The following GRAMD4 variants were observed in gnomAD, a reference collection of about 807,000 sequenced individuals.
GRAMD4 encodes GRAM domain-containing protein 4.
Under a neutral mutation model 83.9 loss-of-function variants are expected in GRAMD4, and 25 were observed. The observed-to-expected ratio is 0.30, with a 90% CI of 0.22 to 0.42. The LOEUF is 0.42. Ranked by LOEUF, GRAMD4 falls within the 10% of genes least tolerant of loss-of-function variation. GRAMD4 has a pLI of 1.00. For missense variants in GRAMD4, 593 were observed against 788.7 expected, an observed-to-expected ratio of 0.75 and a Z score of 2.97; for synonymous variants, 336 against 320.9, an observed-to-expected ratio of 1.05 and a Z score of -0.50.
intron 1 of GRAMD4, among the ~76,000 whole-genome samples, chr22:46,594,151 G>A (rs1224979426): frequency 1.0e-5 from 1 of 98,346 alleles, no homozygotes; most frequent in Non-Finnish European, 2.1e-5. Flanking sequence ...CCAGCATCCC[G>A]CCAGCCCCTC....
intron 1 of GRAMD4, among the ~76,000 whole-genome samples, chr22:46,601,617 G>A (rs957304366): frequency 5.3e-5 from 8 of 152,012 alleles, no homozygotes; most frequent in Non-Finnish European, 8.8e-5. Context: ...GCAACACGGT[G>A]AAACCCCATC....
intron 2 of GRAMD4, among the ~76,000 whole-genome samples, chr22:46,634,035 G>A (rs2081820225): frequency 6.6e-6 from 1 of 152,242 alleles, no homozygotes; most frequent in Admixed American, 6.5e-5. Context: ...GACAGTTGGG[G>A]GTGAACAGGC....
intron 3 of GRAMD4, among the ~76,000 whole-genome samples, chr22:46,647,249 G>A (rs772105837): frequency 5.3e-5 from 8 of 152,198 alleles, no homozygotes; most frequent in South Asian, 2.1e-4. Flanking sequence ...ATACAGCAGC[G>A]TGTCTATATT....
chr22:46,677,656 C>T lies in GRAMD4; in HGVS notation c.*405C>T. 1 of 996,964 alleles carries T rather than the reference C, an allele frequency of 1.0e-6. No individual in the cohort carries two copies. Among genetic ancestry groups the T allele is most frequent in the Non-Finnish European group, 1.2e-6 (1 of 836,862 alleles). The allele number at this position is 996,964 out of a possible 1,614,324, so 61.8% of individuals were successfully genotyped here. On this transcript the variant is annotated 3_prime_UTR_variant, in exon 19 of 19. Coordinates refer to ENST00000406902, the MANE Select transcript of GRAMD4 (RefSeq NM_015124.5). ...CGCTCTCCAGAGGCCAGAAGCTCGT[C>T]CACCACCAAAGCCATAGCTGAAGAG...
chr22:46,634,570 C>G (rs1296995068), intron 2 of GRAMD4, among the ~76,000 whole-genome samples: 1 of 152,148 alleles, frequency 6.6e-6, no homozygotes, highest in East Asian at 1.9e-4. Flanking sequence ...TGGAACTGCC[C>G]AAGGCACTTG....
intron 10 of GRAMD4, 109 bp downstream of exon 10, chr22:46,666,982 C>A: frequency 1.3e-6 from 1 of 756,314 alleles, no homozygotes; most frequent in South Asian, 1.9e-5. Context: ...ATGTGGTCAT[C>A]CCCCTGGAGT....
chr22:46,583,505 C>T (rs1079836), intron 1 of GRAMD4, among the ~76,000 whole-genome samples: 1 of 152,104 alleles, frequency 6.6e-6, no homozygotes, highest in Non-Finnish European at 1.5e-5. Flanking sequence ...TCTCTAAGCT[C>T]CTCTTTGCTA....
chr22:46,649,627 T>C (rs1466720247), intron 3 of GRAMD4, among the ~76,000 whole-genome samples: 1 of 152,246 alleles, frequency 6.6e-6, no homozygotes, highest in Non-Finnish European at 1.5e-5. Flanking sequence ...CTCAGCAGCC[T>C]TCAACATTAG....
At chr22:46,675,361 C>T in intron 16 of GRAMD4, 107 bp from the exon 17 acceptor site, 1 of 768,662 alleles carries the variant, frequency 1.3e-6, no homozygotes. Flanking sequence ...GGGAGCACCA[C>T]TGTCCATCCC....
chr22:46,576,971 C>T (rs1458350173), upstream of GRAMD4, among the ~76,000 whole-genome samples: 4 of 144,960 alleles, frequency 2.8e-5, no homozygotes, highest in Non-Finnish European at 6.1e-5. Context: ...CGCGCCCCCG[C>T]GGACCCCCGA....
chr22:46,623,665 A>G lies in GRAMD4; in HGVS notation c.-49-3086A>G, dbSNP rs566420455. On this transcript the variant is annotated intron_variant, in intron 1 of 18. Transcript: ENST00000406902. ...CCCGCCCCGGCCTCCCAAAGTGCTG[A>G]GATTACAGGCATGAGCCACCATGCC... 6.5e-4 allele frequency among the ~76,000 whole-genome samples: 99 copies of G among 151,672 alleles called. 1 individual carries two copies. The highest frequency in any genetic ancestry group is 2.2e-3 in the African/African-American group (92 of 41,324).
rs151226533 is a variant in GRAMD4 at position 46,661,811 on chromosome 22, C to T, written c.466+369C>T. Among the ~76,000 whole-genome samples the T allele has an allele frequency of 3.0e-3, 463 of 152,356 alleles. 1 individual carries two copies. Among genetic ancestry groups the T allele is most frequent in the African/African-American group, 0.011 (442 of 41,590 alleles). Reference sequence around the variant, plus strand: ...CACTGCCGCTGCCCTGGTGCCTCCCCGAAGGGGACCAAGTGGGCAGTGGGG... The same window carrying T: ...CACTGCCGCTGCCCTGGTGCCTCCCTGAAGGGGACCAAGTGGGCAGTGGGG... On this transcript the variant is annotated intron_variant, in intron 5 of 18. Transcript: ENST00000406902.
rs537426858 is a variant in GRAMD4, at chr22:46,580,105, A to G, written c.-50+2815A>G. On this transcript the variant is annotated intron_variant, in intron 1 of 1. Transcript: ENST00000431155. ...GCAGAAAGCCCGGGGCAGCAGGGAC[A>G]GTGTTGGGGTGTGTGGCAGAGCATC... Among the ~76,000 whole-genome samples, 333 of 152,314 alleles carry G rather than the reference A, an allele frequency of 2.2e-3. 2 individuals carry two copies. Among genetic ancestry groups the G allele is most frequent in the African/African-American group, 7.6e-3 (314 of 41,576 alleles).
At chr22:46,596,139 C>G (rs1482714990) in intron 1 of GRAMD4, among the ~76,000 whole-genome samples, 1 of 152,240 alleles carries the variant, frequency 6.6e-6, no homozygotes, top group Non-Finnish European at 1.5e-5. Context: ...AGAGGGCTGC[C>G]TGGCGCAGTT....
chr22:46,576,696 G>T (rs1056485276), upstream of GRAMD4, among the ~76,000 whole-genome samples: 1 of 152,130 alleles, frequency 6.6e-6, no homozygotes, highest in Non-Finnish European at 1.5e-5. Context: ...TTCCACCCGG[G>T]ACGCGGGTTT....
intron 13 of GRAMD4, among the ~76,000 whole-genome samples, chr22:46,671,538 C>G (rs2147397238): frequency 6.6e-6 from 1 of 151,320 alleles, no homozygotes; most frequent in African/African-American, 2.4e-5. Flanking sequence ...CGCCTGTAGT[C>G]CCAGCTACTC....
chr22:46,579,351 G>A (rs571618856), intron 1 of GRAMD4, among the ~76,000 whole-genome samples: 11 of 152,304 alleles, frequency 7.2e-5, no homozygotes, highest in African/African-American at 2.4e-4. Context: ...ACTGGAAAAC[G>A]AGGGAGGAGA....
At chr22:46,635,408 G>A (rs367924255) in intron 2 of GRAMD4, among the ~76,000 whole-genome samples, 1 of 25,104 alleles carries the variant, frequency 4.0e-5, no homozygotes, top group Non-Finnish European at 7.6e-5. Context: ...TGTCCTGGGG[G>A]ACCGTGTCTT....
chr22:46,591,336 A>G (rs1424507240), intron 1 of GRAMD4, among the ~76,000 whole-genome samples: 2 of 151,990 alleles, frequency 1.3e-5, no homozygotes, highest in African/African-American at 2.4e-5. Flanking sequence ...TGGGCAACAT[A>G]GTGAGACTCC....
Sources: allele counts gnomAD v4.1 joint callset (sites outside exome capture counted in the v4.1 genomes callset), GRCh38; gene constraint gnomAD v4.1.1; transcripts MANE v1.5; gene names NCBI Gene and HGNC (gene_info 2026-07-23, HGNC 2026-07-21).